BNC2: variants seen among roughly 807,000 people sequenced by gnomAD.
The protein encoded by BNC2 is basonuclin zinc finger protein 2.
In BNC2, 20 loss-of-function variants were observed where a neutral mutation model predicts 76.3. The observed-to-expected ratio is 0.26, with a 90% confidence interval of 0.18 to 0.38. The LOEUF is 0.38. Among genes scored for constraint, BNC2 ranks in the 10% least tolerant of loss-of-function variants. The pLI is 1.00. For synonymous variants in BNC2, 582 were observed against 514.8 expected (o/e 1.13, Z -1.77); for missense variants, 1,382 against 1,399.8 (o/e 0.99, Z 0.20).
intron 2 of BNC2, among the ~76,000 whole-genome samples, chr9:16,736,891 C>T (rs1260372137): frequency 6.6e-6 from 1 of 152,058 alleles, no homozygotes; most frequent in Non-Finnish European, 1.5e-5. Context: ...ACCGCAATCT[C>T]CGCCTCCCAG....
At chr9:16,619,768 A>G (rs1172517510) in intron 3 of BNC2, among the ~76,000 whole-genome samples, 1 of 152,202 alleles carries the variant, frequency 6.6e-6, no homozygotes, top group African/African-American at 2.4e-5. Context: ...AGATATTAAC[A>G]CTTTCTGTAA....
Position 16,687,692 on chromosome 9 carries a change from C to T in BNC2, c.330+40105G>A, listed in dbSNP as rs545120695. ...TTGCAAATTAAGTGTAAACCTCACC[C>T]GATCTCACATACACAAAACAAATTG... On this transcript the variant is annotated intron_variant, in intron 3 of 6. Transcript: ENST00000380672. Among the ~76,000 whole-genome samples, 82 of 152,260 alleles carry T rather than the reference C, an allele frequency of 5.4e-4. No individual in the cohort carries two copies. In the South Asian group the frequency reaches 0.014, roughly 27 times the overall value.
chr9:16,737,238 C>CTTTTTTT (rs559930240), intron 2 of BNC2, among the ~76,000 whole-genome samples: 84 of 91,298 alleles, frequency 9.2e-4, no homozygotes, highest in Non-Finnish European at 1.2e-3. Flanking sequence ...CACACCTGGC[C>CTTTTTTT]TTTTTTTTTT....
intron 3 of BNC2, among the ~76,000 whole-genome samples, chr9:16,712,068 G>C (rs1823867707): frequency 6.6e-6 from 1 of 152,108 alleles, no homozygotes; most frequent in Non-Finnish European, 1.5e-5. Flanking sequence ...GTTTTATTTA[G>C]GTGAGAACCA....
chr9:16,870,558 C>T (rs1819657729), intron 1 of BNC2, 88 bp downstream of exon 1: 1 of 1,501,112 alleles, frequency 6.7e-7, no homozygotes, highest in African/African-American at 1.4e-5. Flanking sequence ...CGGACACGGC[C>T]CCCGGGCGGC....
At chr9:16,452,459 G>A (rs1821361771) in intron 5 of BNC2, among the ~76,000 whole-genome samples, 1 of 152,092 alleles carries the variant, frequency 6.6e-6, no homozygotes, top group African/African-American at 2.4e-5. Context: ...GTCTTTCTCT[G>A]TCGCCCAGGC....
intron 3 of BNC2, among the ~76,000 whole-genome samples, chr9:16,636,964 T>A (rs1481073331): frequency 6.6e-6 from 1 of 151,786 alleles, no homozygotes; most frequent in East Asian, 1.9e-4. Context: ...AAAGCTCACA[T>A]AGTGCTTTCC....
intron 1 of BNC2, among the ~76,000 whole-genome samples, chr9:16,758,677 T>G (rs983363541): frequency 1.3e-5 from 2 of 152,292 alleles, no homozygotes; most frequent in South Asian, 2.1e-4. Context: ...TTCTTAAAAG[T>G]TGGTCATGCT....
intron 3 of BNC2, among the ~76,000 whole-genome samples, chr9:16,593,604 T>C (rs895446256): frequency 6.6e-6 from 1 of 152,068 alleles, no homozygotes; most frequent in Admixed American, 6.6e-5. Flanking sequence ...ATTAGTAATA[T>C]TAAAGAAACA....
At chr9:16,800,036 A>T (rs960964864) in intron 1 of BNC2, among the ~76,000 whole-genome samples, 1 of 151,948 alleles carries the variant, frequency 6.6e-6, no homozygotes, top group East Asian at 1.9e-4. Flanking sequence ...ACCAGCCTGG[A>T]CAACATGGGG....
chr9:16,495,155 G>T (rs989654311), intron 5 of BNC2, among the ~76,000 whole-genome samples: 3 of 152,126 alleles, frequency 2.0e-5, no homozygotes, highest in African/African-American at 7.2e-5. Context: ...CCTGAATAAG[G>T]TGGTGATAAA....
At chr9:16,748,716 G>A (rs533198623) in intron 1 of BNC2, among the ~76,000 whole-genome samples, 38 of 150,564 alleles carry the variant, frequency 2.5e-4, no homozygotes, top group African/African-American at 7.3e-4. Flanking sequence ...GGTGGCAGCC[G>A]CCTGTAGTCC....
rs1033637091 is a variant in BNC2, at chr9:16,415,871, G to A, written c.*3118C>T. 6.6e-6 allele frequency: 1 copy of A among 152,206 alleles called. No individual in the cohort carries two copies. The highest frequency in any genetic ancestry group is 1.5e-5 in the Non-Finnish European group (1 of 68,056). The allele number at this position is 152,206 out of a possible 1,614,324, so 9.4% of individuals were successfully genotyped here. A position where few individuals can be genotyped will look rare whatever the true frequency, so the allele number is the denominator to read the frequency against. ...ACGACTGGGCACTTGAGGCACAAAA[G>A]TAGTAGCAAATAGGGGAGATACTTA... On this transcript the variant is annotated 3_prime_UTR_variant, in exon 7 of 7. Coordinates refer to ENST00000380672, the MANE Select transcript of BNC2 (RefSeq NM_017637.6).
chr9:16,468,040 C>T lies in BNC2; in HGVS notation c.670-30516G>A, dbSNP rs202081808. 4.4e-3 allele frequency among the ~76,000 whole-genome samples: 570 copies of T among 129,506 alleles called. 5 individuals carry two copies. The highest frequency in any genetic ancestry group is 0.017 in the African/African-American group (532 of 32,014). The allele number at this position is 129,506 out of a possible 152,430, so 85.0% of individuals were successfully genotyped here. On this transcript the variant is annotated intron_variant, in intron 5 of 6. Coordinates refer to ENST00000380672, the MANE Select transcript of BNC2 (RefSeq NM_017637.6). ...CTCCTAATCTCATTTCTTTCTTTCT[C>T]TTTTTTTTTTTTTTTTTTTGAGACA...
chr9:16,586,645 C>G (rs1819779886), intron 3 of BNC2, among the ~76,000 whole-genome samples: 1 of 152,144 alleles, frequency 6.6e-6, no homozygotes, highest in Non-Finnish European at 1.5e-5. Flanking sequence ...ACAGGTGTTT[C>G]CCATGGCCAA....
chr9:16,568,042 C>A (rs1368455853), intron 4 of BNC2, among the ~76,000 whole-genome samples: 1 of 152,044 alleles, frequency 6.6e-6, no homozygotes, highest in Admixed American at 6.6e-5. Context: ...AAGGCTTATT[C>A]TTTTATTTTG....
At chr9:16,609,133 T>C (rs1820467236) in intron 3 of BNC2, among the ~76,000 whole-genome samples, 1 of 152,112 alleles carries the variant, frequency 6.6e-6, no homozygotes, top group Admixed American at 6.5e-5. Context: ...TAGAGAAAAG[T>C]GCACCCCAGG....
chr9:16,786,107 A>C (rs372989624), intron 1 of BNC2, among the ~76,000 whole-genome samples: 9 of 152,328 alleles, frequency 5.9e-5, no homozygotes, highest in African/African-American at 2.2e-4. Flanking sequence ...AAAAGAGTGG[A>C]GTGGCTTAGA....
chr9:16,844,477 C>T (rs1163155139), intron 1 of BNC2, among the ~76,000 whole-genome samples: 3 of 145,746 alleles, frequency 2.1e-5, no homozygotes, highest in African/African-American at 7.5e-5. Flanking sequence ...AGTATTTTTA[C>T]GAATATTTTT....
Sources: gnomAD v4.1 joint callset for allele counts (sites outside exome capture counted in the v4.1 genomes callset) on GRCh38, gnomAD v4.1.1 for gene constraint, MANE v1.5 for transcripts, NCBI Gene and HGNC (gene_info 2026-07-23, HGNC 2026-07-21) for gene names.